Variants in KIAA1328 observed in about 807,000 individuals in gnomAD.
The protein encoded by KIAA1328 is protein hinderin.
Under a neutral mutation model 68.1 loss-of-function variants are expected in KIAA1328, and 52 were observed. That is an observed-to-expected ratio of 0.76 (90% CI 0.61 to 0.96). The LOEUF is 0.96. Among genes scored for constraint, KIAA1328 ranks in the 40% least tolerant of loss-of-function variants. KIAA1328 has a pLI of 0.00. For missense variants in KIAA1328, 641 were observed against 677.6 expected (o/e 0.95, Z 0.60); for synonymous variants, 232 against 239.4 (o/e 0.97, Z 0.28).
intron 7 of KIAA1328, among the ~76,000 whole-genome samples, chr18:37,094,272 G>T (rs1377787088): frequency 6.6e-6 from 1 of 152,112 alleles, no homozygotes; most frequent in African/African-American, 2.4e-5. Context: ...ACAGGCCAGA[G>T]ATTGGTACCG....
At chr18:36,939,040 T>C (rs1159474564) in intron 5 of KIAA1328, among the ~76,000 whole-genome samples, 1 of 152,176 alleles carries the variant, frequency 6.6e-6, no homozygotes, top group African/African-American at 2.4e-5. Context: ...TCCAGCTTTG[T>C]TCTTGTTGCT....
chr18:36,861,835 A>T (rs1568089651), intron 4 of KIAA1328, among the ~76,000 whole-genome samples: 1 of 151,138 alleles, frequency 6.6e-6, no homozygotes, highest in African/African-American at 2.4e-5. Flanking sequence ...CACTCAACTA[A>T]TTTTTTTTTC....
intron 7 of KIAA1328, among the ~76,000 whole-genome samples, chr18:37,071,981 A>T (rs1599156315): frequency 2.0e-5 from 3 of 152,320 alleles, no homozygotes; most frequent in South Asian, 4.1e-4. Flanking sequence ...AGAGTCTCTC[A>T]TTGAGAAACA....
rs578242107 is a variant in KIAA1328, at chr18:37,077,351, C to T, written c.1232+9806C>T. Among the ~76,000 whole-genome samples the T allele has an allele frequency of 3.8e-3, 543 of 144,394 alleles. 3 individuals are homozygous for T. The highest frequency in any genetic ancestry group is 6.1e-3 in the Non-Finnish European group (408 of 67,422). The allele number at this position is 144,394 out of a possible 152,430, so 94.7% of individuals were successfully genotyped here. A position where few individuals can be genotyped will look rare whatever the true frequency, so the allele number is the denominator to read the frequency against. ...CGTATCTCAAAATAATAAGAGCTATCTATGACAAACCCACAGCCAATACCA... is the reference window on the plus strand; with the variant it reads ...CGTATCTCAAAATAATAAGAGCTATTTATGACAAACCCACAGCCAATACCA... On this transcript the variant is annotated intron_variant, in intron 7 of 9. Transcript: ENST00000280020.
At chr18:36,953,717 T>A (rs1300694559) in intron 5 of KIAA1328, among the ~76,000 whole-genome samples, 1 of 152,072 alleles carries the variant, frequency 6.6e-6, no homozygotes, top group Non-Finnish European at 1.5e-5. Flanking sequence ...ATAAACCAAC[T>A]TATGGTAACT....
chr18:36,960,614 G>A (rs1272398437), intron 6 of KIAA1328, among the ~76,000 whole-genome samples: 1 of 152,140 alleles, frequency 6.6e-6, no homozygotes, highest in East Asian at 1.9e-4. Context: ...TCCAGAGGAA[G>A]GATCAGGCAC....
chr18:36,936,036 T>G (rs576341591), intron 5 of KIAA1328, among the ~76,000 whole-genome samples: 1 of 152,086 alleles, frequency 6.6e-6, no homozygotes, highest in African/African-American at 2.4e-5. Context: ...GGGAAGAAAA[T>G]GTTAACTCTG....
At chr18:36,858,791 C>T (rs1383719170) in intron 4 of KIAA1328, among the ~76,000 whole-genome samples, 1 of 152,146 alleles carries the variant, frequency 6.6e-6, no homozygotes, top group Admixed American at 6.6e-5. Flanking sequence ...GGTGAAGTGC[C>T]CTTTCCATCA....
chr18:36,957,736 G>T (rs1036016957), intron 5 of KIAA1328, among the ~76,000 whole-genome samples: 8 of 151,972 alleles, frequency 5.3e-5, no homozygotes, highest in Non-Finnish European at 1.0e-4. Context: ...GTGTAAATTG[G>T]CAGTACTCTT....
chr18:37,179,428 G>C (rs1024790557), intron 9 of KIAA1328, among the ~76,000 whole-genome samples: 1 of 152,078 alleles, frequency 6.6e-6, no homozygotes, highest in South Asian at 2.1e-4. Context: ...TTTAGTTTGA[G>C]TTTTTTTAAA....
chr18:36,903,443 C>G (rs754210485), intron 5 of KIAA1328, among the ~76,000 whole-genome samples: 3 of 151,966 alleles, frequency 2.0e-5, no homozygotes, highest in Non-Finnish European at 4.4e-5. Flanking sequence ...TTAGGTCTTT[C>G]CAGTGGGGAA....
At chr18:36,969,531 A>G (rs1161578310) in intron 6 of KIAA1328, among the ~76,000 whole-genome samples, 15 of 152,152 alleles carry the variant, frequency 9.9e-5, no homozygotes, top group Non-Finnish European at 5.9e-5. Flanking sequence ...CAAACTAGAA[A>G]ATCTAGAAGA....
At chr18:37,166,816 AAAAT>A (rs1187454865) in intron 8 of KIAA1328, among the ~76,000 whole-genome samples, 1 of 152,172 alleles carries the variant, frequency 6.6e-6, no homozygotes, top group African/African-American at 2.4e-5. Flanking sequence ...GGGGTTTAAA[AAAAT>A]AAATAACAAT....
At chr18:37,166,071 G>A (rs920187198) in intron 8 of KIAA1328, among the ~76,000 whole-genome samples, 3 of 145,400 alleles carry the variant, frequency 2.1e-5, no homozygotes, top group African/African-American at 7.8e-5. Context: ...GACCTTGTCA[G>A]CTTTGGGTAT....
intron 7 of KIAA1328, among the ~76,000 whole-genome samples, chr18:37,086,948 C>A (rs1454835791): frequency 6.6e-6 from 1 of 152,110 alleles, no homozygotes; most frequent in Non-Finnish European, 1.5e-5. Flanking sequence ...GGAGAAATTT[C>A]CTTTGCTAAT....
At chr18:36,861,133 C>T (rs1174867150) in intron 4 of KIAA1328, among the ~76,000 whole-genome samples, 1 of 152,108 alleles carries the variant, frequency 6.6e-6, no homozygotes, top group Non-Finnish European at 1.5e-5. Flanking sequence ...TTTCTTTAGT[C>T]TCCTCCTGTT....
intron 7 of KIAA1328, among the ~76,000 whole-genome samples, chr18:37,112,359 C>G (rs992957775): frequency 1.3e-5 from 2 of 152,184 alleles, no homozygotes; most frequent in Non-Finnish European, 2.9e-5. Context: ...ATTTGCTGTT[C>G]TGCAATATTT....
chr18:37,133,760 G>A (rs957204149), intron 7 of KIAA1328, among the ~76,000 whole-genome samples: 1 of 151,950 alleles, frequency 6.6e-6, no homozygotes, highest in Non-Finnish European at 1.5e-5. Flanking sequence ...CCCTGACCTC[G>A]TGATCGGCCC....
At chr18:37,021,063 A>G (rs553855772) in intron 6 of KIAA1328, among the ~76,000 whole-genome samples, 1 of 152,228 alleles carries the variant, frequency 6.6e-6, no homozygotes, top group African/African-American at 2.4e-5. Flanking sequence ...TTATTTGTAT[A>G]GGACTCCCCA....
Sources: allele counts gnomAD v4.1 joint callset (sites outside exome capture counted in the v4.1 genomes callset), GRCh38; gene constraint gnomAD v4.1.1; transcripts MANE v1.5; gene names NCBI Gene and HGNC (gene_info 2026-07-23, HGNC 2026-07-21).